The following FRMD5 variants were observed in gnomAD, a reference collection of about 807,000 sequenced individuals.
FRMD5 encodes FERM domain containing 5.
Under a neutral mutation model 69.0 loss-of-function variants are expected in FRMD5, and 20 were observed. The ratio of observed to expected loss-of-function variants is 0.29; its 90% CI spans 0.20 to 0.42. The LOEUF is 0.42. Among genes scored for constraint, FRMD5 ranks in the 10% least tolerant of loss-of-function variants. The pLI is 1.00. For synonymous variants in FRMD5, 271 were observed against 260.1 expected (o/e 1.04, Z -0.40); for missense variants, 595 against 708.6 (o/e 0.84, Z 1.82).
chr15:44,093,007 C>A (rs994410617), intron 1 of FRMD5, among the ~76,000 whole-genome samples: 1 of 148,296 alleles, frequency 6.7e-6, no homozygotes, highest in Non-Finnish European at 1.5e-5. Context: ...TCTCGGCTCA[C>A]CACAACCTCT....
intron 1 of FRMD5, among the ~76,000 whole-genome samples, chr15:44,122,632 C>T (rs1016436459): frequency 1.3e-5 from 2 of 152,112 alleles, no homozygotes; most frequent in African/African-American, 4.8e-5. Context: ...CACCTATAAT[C>T]CCAGCATTTT....
intron 1 of FRMD5, among the ~76,000 whole-genome samples, chr15:44,192,754 A>T (rs1043631334): frequency 6.6e-6 from 1 of 152,230 alleles, no homozygotes; most frequent in African/African-American, 2.4e-5. Context: ...GCAATTCGCC[A>T]AAGTGATGCC....
chr15:44,044,458 T>G (rs1037053338), intron 1 of FRMD5, among the ~76,000 whole-genome samples: 1 of 152,092 alleles, frequency 6.6e-6, no homozygotes, highest in East Asian at 1.9e-4. Flanking sequence ...TAAAGTCACA[T>G]GCACATGTAT....
intron 7 of FRMD5, among the ~76,000 whole-genome samples, chr15:43,895,575 C>T (rs1425587273): frequency 1.3e-5 from 2 of 152,216 alleles, no homozygotes; most frequent in Non-Finnish European, 2.9e-5. Context: ...AATGAGATGC[C>T]ACATCATTTC....
At chr15:43,886,715 C>T (rs760516797) in intron 10 of FRMD5, among the ~76,000 whole-genome samples, 31 of 152,222 alleles carry the variant, frequency 2.0e-4, no homozygotes, top group Non-Finnish European at 3.2e-4. Flanking sequence ...TCCAGGACAT[C>T]CGAGCTGCTT....
At chr15:43,921,204 G>A (rs940797888) in intron 2 of FRMD5, among the ~76,000 whole-genome samples, 6 of 152,186 alleles carry the variant, frequency 3.9e-5, no homozygotes, top group African/African-American at 1.4e-4. Context: ...TGAAGACGGA[G>A]GAGGCCTATC....
intron 1 of FRMD5, among the ~76,000 whole-genome samples, chr15:44,019,435 T>TAA (rs200449389): frequency 2.1e-5 from 3 of 141,302 alleles, no homozygotes; most frequent in Admixed American, 1.4e-4. Context: ...GGCATCCTGT[T>TAA]AAAAAAAAAA....
chr15:44,008,688 A>G (rs543637709), intron 1 of FRMD5, among the ~76,000 whole-genome samples: 1 of 152,304 alleles, frequency 6.6e-6, no homozygotes, highest in African/African-American at 2.4e-5. Flanking sequence ...ACCTAAAATA[A>G]GTTAAGAATC....
At chr15:43,920,563 G>A (rs1411740631) in intron 2 of FRMD5, among the ~76,000 whole-genome samples, 2 of 152,160 alleles carry the variant, frequency 1.3e-5, no homozygotes, top group Admixed American at 6.5e-5. Flanking sequence ...CATTCTATAT[G>A]TGTTCCTTAA....
chr15:43,908,336 A>T (rs1409396638), intron 5 of FRMD5, among the ~76,000 whole-genome samples: 1 of 151,934 alleles, frequency 6.6e-6, no homozygotes, highest in Non-Finnish European at 1.5e-5. Flanking sequence ...TCAAAAAAAA[A>T]AAAAAAAAAA....
intron 1 of FRMD5, chr15:43,988,992 C>A (rs1889534016): frequency 1.4e-6 from 1 of 720,578 alleles, no homozygotes; most frequent in Non-Finnish European, 2.5e-6. Flanking sequence ...TCATGCCAAT[C>A]TCATCTTGTT....
At chr15:44,085,812 A>C (rs1894174324) in intron 1 of FRMD5, among the ~76,000 whole-genome samples, 1 of 152,200 alleles carries the variant, frequency 6.6e-6, no homozygotes, top group South Asian at 2.1e-4. Context: ...TTATGCAATC[A>C]GAAGGCTAAG....
intron 1 of FRMD5, among the ~76,000 whole-genome samples, chr15:43,968,102 G>A (rs2090322792): frequency 6.6e-6 from 1 of 150,936 alleles, no homozygotes; most frequent in Non-Finnish European, 1.5e-5. Flanking sequence ...TTTTTTCATG[G>A]AATATTTTAA....
chr15:43,987,038 T>C (rs1239341746), intron 1 of FRMD5, among the ~76,000 whole-genome samples: 1 of 152,200 alleles, frequency 6.6e-6, no homozygotes, highest in African/African-American at 2.4e-5. Flanking sequence ...ACAGTGAACA[T>C]AACCAATAAA....
At position 43,873,170 on chromosome 15, in the gene FRMD5, C is replaced by T. The variant is rs146884659; in HGVS notation, c.*715G>A. On this transcript the variant is annotated 3_prime_UTR_variant, in exon 14 of 14. Transcript: ENST00000417257. ...GCTCTAGACTAAGGGGACAGACTTA[C>T]CCCACCCCTGATGCTGCTGTTGCTG... 5.1e-3 allele frequency: 7,869 copies of T among 1,549,868 alleles called. 30 individuals carry two copies. The highest frequency in any genetic ancestry group is 0.014 in the Middle Eastern group (81 of 5,990).
chr15:43,948,291 T>C (rs2140504400), intron 1 of FRMD5, among the ~76,000 whole-genome samples: 1 of 152,320 alleles, frequency 6.6e-6, no homozygotes, highest in Non-Finnish European at 1.5e-5. Context: ...TGTACTCTAA[T>C]ATATGGCTGC....
At chr15:44,133,199 C>T (rs565968364) in intron 1 of FRMD5, among the ~76,000 whole-genome samples, 2 of 141,228 alleles carry the variant, frequency 1.4e-5, no homozygotes, top group South Asian at 2.3e-4. Context: ...GGCGACACTG[C>T]GAGACTCCGT....
chr15:44,097,594 A>G (rs1258781648), intron 1 of FRMD5, among the ~76,000 whole-genome samples: 1 of 152,236 alleles, frequency 6.6e-6, no homozygotes, highest in African/African-American at 2.4e-5. Context: ...TATATAGAAT[A>G]ATATGTTACA....
At position 44,059,668 on chromosome 15, in the gene FRMD5, C is replaced by T. The variant is rs189574529; in HGVS notation, c.102+135285G>A. Reference sequence around the variant, plus strand: ...CTGGGACTACAGCCGCACACCACCACGCCCAGCTAATTTTTTTTTTGTATT... The same window carrying T: ...CTGGGACTACAGCCGCACACCACCATGCCCAGCTAATTTTTTTTTTGTATT... On this transcript the variant is annotated intron_variant, in intron 1 of 13. Transcript: ENST00000417257. Among the ~76,000 whole-genome samples, 9 of 152,132 alleles carry T rather than the reference C, an allele frequency of 5.9e-5. No individual in the cohort carries two copies. In the East Asian group the frequency reaches 1.4e-3, roughly 23 times the overall value.
Sources: gnomAD v4.1 joint callset for allele counts (sites outside exome capture counted in the v4.1 genomes callset) on GRCh38, gnomAD v4.1.1 for gene constraint, MANE v1.5 for transcripts, NCBI Gene and HGNC (gene_info 2026-07-23, HGNC 2026-07-21) for gene names.